XKR6: variants seen among roughly 807,000 people sequenced by gnomAD.
The protein encoded by XKR6 is XK related 6, also known as XK-related protein 6.
A neutral mutation model predicts 56.7 loss-of-function variants in XKR6; 22 were observed. The ratio of observed to expected loss-of-function variants is 0.39; its 90% CI spans 0.28 to 0.55. XKR6 has a LOEUF of 0.55. Among genes scored for constraint, XKR6 ranks in the 20% least tolerant of loss-of-function variants. The pLI, the probability that XKR6 is intolerant of heterozygous loss-of-function variation, is 0.66. For synonymous variants in XKR6, 524 were observed against 387.8 expected, an observed-to-expected ratio of 1.35 and a Z score of -4.13; for missense variants, 852 against 889.0, an observed-to-expected ratio of 0.96 and a Z score of 0.53.
intron 2 of XKR6, among the ~76,000 whole-genome samples, chr8:10,913,921 A>C (rs1458329001): frequency 2.6e-5 from 4 of 152,180 alleles, no homozygotes; most frequent in African/African-American, 9.6e-5. Context: ...TATGTTGCAG[A>C]TAACAGGTTT....
intron 1 of XKR6, among the ~76,000 whole-genome samples, chr8:10,990,561 G>C (rs1797967132): frequency 6.6e-6 from 1 of 152,172 alleles, no homozygotes; most frequent in African/African-American, 2.4e-5. Context: ...TAAGAGTGTG[G>C]AGCTGCTGGG....
chr8:11,007,425 G>A (rs1453705630), intron 1 of XKR6, among the ~76,000 whole-genome samples: 1 of 152,176 alleles, frequency 6.6e-6, no homozygotes, highest in Admixed American at 6.5e-5. Flanking sequence ...GGGTCTCAAG[G>A]ATCATCTGAT....
intron 1 of XKR6, among the ~76,000 whole-genome samples, chr8:11,025,771 G>A (rs1458610079): frequency 6.6e-6 from 1 of 152,176 alleles, no homozygotes; most frequent in Non-Finnish European, 1.5e-5. Context: ...AATTAGTGAA[G>A]CTCTGGGGTG....
At chr8:10,907,509 C>G (rs1265004058) in intron 2 of XKR6, among the ~76,000 whole-genome samples, 1 of 152,186 alleles carries the variant, frequency 6.6e-6, no homozygotes, top group Non-Finnish European at 1.5e-5. Flanking sequence ...CCTTACCATG[C>G]TATCAGCAGC....
intron 1 of XKR6, among the ~76,000 whole-genome samples, chr8:11,155,642 C>T (rs1427316319): frequency 6.6e-6 from 1 of 152,158 alleles, no homozygotes; most frequent in Non-Finnish European, 1.5e-5. Flanking sequence ...TCTCAGCACA[C>T]AGAGTGTAAC....
chr8:11,060,100 T>C (rs1799792212), intron 1 of XKR6, among the ~76,000 whole-genome samples: 1 of 152,086 alleles, frequency 6.6e-6, no homozygotes, highest in South Asian at 2.1e-4. Context: ...CATTTTTACC[T>C]CCACTCCCCA....
chr8:11,199,938 T>A (rs1467656740), intron 1 of XKR6, among the ~76,000 whole-genome samples: 1 of 151,484 alleles, frequency 6.6e-6, no homozygotes, highest in East Asian at 1.9e-4. Context: ...TTTTTACCTG[T>A]CGCTAAGAAA....
intron 2 of XKR6, among the ~76,000 whole-genome samples, chr8:10,908,291 G>A (rs755407759): frequency 2.0e-5 from 3 of 152,072 alleles, no homozygotes; most frequent in African/African-American, 4.8e-5. Context: ...ACTGCAGCAC[G>A]GCCAGCCTGT....
chr8:11,047,275 C>T (rs1178401573), intron 1 of XKR6, among the ~76,000 whole-genome samples: 1 of 152,132 alleles, frequency 6.6e-6, no homozygotes, highest in African/African-American at 2.4e-5. Context: ...ACATAGTTTC[C>T]TTTTGTCAAC....
intron 1 of XKR6, among the ~76,000 whole-genome samples, chr8:10,973,183 T>G (rs773271252): frequency 2.1e-4 from 32 of 152,128 alleles, no homozygotes; most frequent in Non-Finnish European, 4.0e-4. Flanking sequence ...TTTGAAAGAG[T>G]GAGCTTGGCC....
chr8:11,077,269 G>T (rs984812185), intron 1 of XKR6, among the ~76,000 whole-genome samples: 2 of 152,160 alleles, frequency 1.3e-5, no homozygotes, highest in African/African-American at 2.4e-5. Flanking sequence ...GCCTCAGCGT[G>T]GCCTCTTTAC....
chr8:10,977,569 T>A (rs540621963), intron 1 of XKR6, among the ~76,000 whole-genome samples: 1 of 150,226 alleles, frequency 6.7e-6, no homozygotes, highest in East Asian at 2.0e-4. Flanking sequence ...GCATGAGCCA[T>A]CTTCAACAGC....
At chr8:11,025,337 T>A (rs1798836276) in intron 1 of XKR6, among the ~76,000 whole-genome samples, 1 of 152,216 alleles carries the variant, frequency 6.6e-6, no homozygotes, top group African/African-American at 2.4e-5. Flanking sequence ...GAGCCTTTTC[T>A]TTATAATATG....
chr8:11,146,827 T>A (rs1006451735), intron 1 of XKR6, among the ~76,000 whole-genome samples: 1 of 152,030 alleles, frequency 6.6e-6, no homozygotes, highest in African/African-American at 2.4e-5. Context: ...TGTGACTACA[T>A]ACACAGACCT....
intron 1 of XKR6, among the ~76,000 whole-genome samples, chr8:10,994,967 A>G (rs1798077049): frequency 6.6e-6 from 1 of 152,212 alleles, no homozygotes; most frequent in Non-Finnish European, 1.5e-5. Flanking sequence ...CATCTTAGCC[A>G]AGGCCACACA....
chr8:10,966,458 G>A (rs903961643), intron 1 of XKR6, among the ~76,000 whole-genome samples: 1 of 152,060 alleles, frequency 6.6e-6, no homozygotes, highest in Non-Finnish European at 1.5e-5. Context: ...CGGATCACGA[G>A]GTCAGGAGAT....
At chr8:10,984,092 C>G (rs1213323055) in intron 1 of XKR6, among the ~76,000 whole-genome samples, 1 of 152,142 alleles carries the variant, frequency 6.6e-6, no homozygotes, top group East Asian at 1.9e-4. Context: ...AATCTACCAG[C>G]ACAGCAAGAG....
At chr8:11,007,856 G>A (rs7834150) in intron 1 of XKR6, among the ~76,000 whole-genome samples, 1 of 151,796 alleles carries the variant, frequency 6.6e-6, no homozygotes, top group Non-Finnish European at 1.5e-5. Flanking sequence ...GGTAGGAGAG[G>A]TAAAATTCGG....
At chr8:10,964,085 G>C (rs1802141811) in intron 1 of XKR6, among the ~76,000 whole-genome samples, 1 of 152,180 alleles carries the variant, frequency 6.6e-6, no homozygotes, top group Non-Finnish European at 1.5e-5. Flanking sequence ...TCAAGATCTT[G>C]TGCCTCAAAT....
Sources: gnomAD v4.1 joint callset for allele counts (sites outside exome capture counted in the v4.1 genomes callset) on GRCh38, gnomAD v4.1.1 for gene constraint, MANE v1.5 for transcripts, NCBI Gene and HGNC (gene_info 2026-07-23, HGNC 2026-07-21) for gene names.